DSG1: variants seen among roughly 807,000 people sequenced by gnomAD.
DSG1 encodes the protein desmoglein 1, also known as desmoglein-1.
DSG1 carries 39 observed loss-of-function variants against 97.5 expected under a neutral mutation model. That is an observed-to-expected ratio of 0.40 (90% CI 0.31 to 0.52). The LOEUF (loss-of-function observed/expected upper bound fraction) is 0.52, where lower values mean the gene tolerates loss of function less well. Among genes scored for constraint, DSG1 ranks in the 20% least tolerant of loss-of-function variants. DSG1 has a pLI of 0.53. For synonymous variants in DSG1, 475 were observed against 443.4 expected (o/e 1.07, Z -0.90); for missense variants, 1,311 against 1,295.4 (o/e 1.01, Z -0.18).
chr18:31,337,239 T>G (rs926667087), intron 9 of DSG1, among the ~76,000 whole-genome samples: 2 of 151,368 alleles, frequency 1.3e-5, no homozygotes, highest in African/African-American at 2.4e-5. Context: ...TGTTTGGGGG[T>G]TTTTTGTTTG....
intron 8 of DSG1, among the ~76,000 whole-genome samples, chr18:31,335,955 T>G (rs2071749198): frequency 6.6e-6 from 1 of 151,746 alleles, no homozygotes; most frequent in Non-Finnish European, 1.5e-5. Context: ...TGATTGAAAC[T>G]CTAGTATATT....
intron 14 of DSG1, among the ~76,000 whole-genome samples, chr18:31,350,478 C>T (rs1206201137): frequency 1.5e-4 from 23 of 149,448 alleles, no homozygotes; most frequent in African/African-American, 5.7e-4. Context: ...TGATGCTGGC[C>T]TCATAAAATG....
chr18:31,339,961 A>G lies in DSG1; in HGVS notation c.1623A>G (p.Ser541=). The stretch of plus-strand genomic sequence containing the variant: ...GAAACGGAGCCAAAGATTTGTTATC[A>G]GACAATGTACATTTTGGTCCTGCTG... ...EPGNGAKDLL[S]DNVHFGPAGI... Residue 541 remains serine, a synonymous_variant, in exon 11 of 15, where the codon TCA becomes TCG. Transcript: ENST00000257192. 2 of 1,614,120 alleles carry G rather than the reference A, an allele frequency of 1.2e-6. No individual in the cohort carries two copies. Among genetic ancestry groups the G allele is most frequent in the Non-Finnish European group, 1.7e-6 (2 of 1,179,988 alleles).
At chr18:31,353,522 T>C (rs1288124008) in intron 14 of DSG1, among the ~76,000 whole-genome samples, 1 of 152,228 alleles carries the variant, frequency 6.6e-6, no homozygotes, top group Non-Finnish European at 1.5e-5. Context: ...CTGTCTGCTT[T>C]GTTTACCTAA....
intron 4 of DSG1, among the ~76,000 whole-genome samples, chr18:31,329,323 C>T (rs1598700191): frequency 6.6e-6 from 1 of 152,014 alleles, no homozygotes; most frequent in Admixed American, 6.6e-5. Flanking sequence ...AAAACCCCAC[C>T]AGTCCGTATC....
rs937737011 is a variant in DSG1 at position 31,357,253 on chromosome 18, T to C, written c.*1907T>C. 1.3e-5 allele frequency among the ~76,000 whole-genome samples: 2 copies of C among 152,066 alleles called. No homozygotes were observed. The highest frequency in any genetic ancestry group is 2.9e-5 in the Non-Finnish European group (2 of 67,934). ...CTCTGTAGAATATGTAAAATTTTGA[T>C]AGTCTGTAGTATGCTAAATGCAGAA... On this transcript the variant is annotated 3_prime_UTR_variant, in exon 15 of 15. Coordinates refer to ENST00000257192, the MANE Select transcript of DSG1 (RefSeq NM_001942.4).
At chr18:31,344,528 C>G (rs1174659425) in intron 13 of DSG1, among the ~76,000 whole-genome samples, 3 of 152,100 alleles carry the variant, frequency 2.0e-5, no homozygotes, top group Non-Finnish European at 2.9e-5. Flanking sequence ...CAAATATTAC[C>G]TAAAAAATAT....
In DSG1 at chr18:31,354,804, G is replaced by C. The variant is rs139922779; in HGVS notation, c.2608G>C (p.Gly870Arg). ...SNVVVTERVV[G>R]PISGADLHGM... ...CGTGGTAGTGACAGAGAGAGTGGTC[G>C]GCCCAATCTCTGGCGCTGATTTGCA... The change falls in exon 15 of 15, where the codon GGC (glycine) becomes CGC (arginine). Residue 870 changes from glycine (G) to arginine (R), a missense_variant. Gly to Arg is a moderately radical substitution (Grantham distance 125, BLOSUM62 -2). Transcript: ENST00000257192. 2 of 1,614,076 alleles carry C rather than the reference G, an allele frequency of 1.2e-6. No individual in the cohort carries two copies. Among genetic ancestry groups the C allele is most frequent in the South Asian group, 1.1e-5 (1 of 91,068 alleles).
chr18:31,346,063 A>G lies in DSG1; in HGVS notation c.1965A>G (p.Glu655=). 1 of 1,613,982 alleles carries G rather than the reference A, an allele frequency of 6.2e-7. No individual in the cohort carries two copies. Residue 655 remains glutamate, a synonymous_variant, in exon 14 of 15, where the codon GAA becomes GAG. Coordinates refer to ENST00000257192, the MANE Select transcript of DSG1 (RefSeq NM_001942.4). The part of the protein sequence containing the change: ...LGGGERMTGF[E]LTEGVKTSGM... ...GAGGAGAGAGAATGACAGGATTTGA[A>G]CTAACAGAGGGAGTTAAAACTTCAG...
intron 13 of DSG1, among the ~76,000 whole-genome samples, chr18:31,344,317 C>T (rs770337402): frequency 1.3e-5 from 2 of 152,120 alleles, no homozygotes; most frequent in Non-Finnish European, 2.9e-5. Context: ...GAGCAAATTT[C>T]ATTAACATAC....
chr18:31,357,738 C>G lies in DSG1; in HGVS notation c.*2392C>G, dbSNP rs532958347. 2.0e-5 allele frequency among the ~76,000 whole-genome samples: 3 copies of G among 152,024 alleles called. No homozygotes were observed. The East Asian group carries it at 5.8e-4, about 29-fold the overall frequency. Reference sequence around the variant, plus strand: ...TTGAGTCATTGAGTCATCTATCTTTCTAGGAAGATACTTTCTAACCAAACT... The same window carrying G: ...TTGAGTCATTGAGTCATCTATCTTTGTAGGAAGATACTTTCTAACCAAACT... On this transcript the variant is annotated 3_prime_UTR_variant, in exon 15 of 15. Coordinates refer to ENST00000257192, the MANE Select transcript of DSG1 (RefSeq NM_001942.4).
chr18:31,336,713 TA>T, intron 9 of DSG1, 100 bp downstream of exon 9: 9 of 1,258,394 alleles, frequency 7.2e-6, no homozygotes, highest in Non-Finnish European at 7.8e-6. Context: ...TACTTTTCAT[TA>T]TTTTTGAAAC....
intron 5 of DSG1, 76 bp downstream of exon 5, chr18:31,330,112 A>C (rs2071711190): frequency 2.0e-6 from 3 of 1,525,502 alleles, no homozygotes; most frequent in Non-Finnish European, 2.7e-6. Context: ...GTCAAAGTAC[A>C]CATCATGAAT....
intron 7 of DSG1, 139 bp from the exon 8 acceptor site, chr18:31,333,878 G>C: frequency 8.7e-7 from 1 of 1,153,666 alleles, no homozygotes; most frequent in South Asian, 1.3e-5. Context: ...AGAATAAATG[G>C]AGTTAAGCAA....
Position 31,355,630 on chromosome 18 carries a change from G to T in DSG1, c.*284G>T. The T allele has an allele frequency of 2.3e-6, 1 of 440,322 alleles. No homozygotes were observed. The highest frequency in any genetic ancestry group is 2.8e-5 in the South Asian group (1 of 35,466). The allele number at this position is 440,322 out of a possible 1,614,324, so 27.3% of individuals were successfully genotyped here. On this transcript the variant is annotated 3_prime_UTR_variant, in exon 15 of 15. Transcript: ENST00000257192. ...GTAGTCCATCTCCAGCATGTAACTG[G>T]CCTTACGATGGCAATTGGCATCATT...
chr18:31,326,978 C>T lies in DSG1; in HGVS notation c.189C>T (p.Asp63=), dbSNP rs2071689599. The T allele has an allele frequency of 6.2e-7, 1 of 1,613,836 alleles. No individual in the cohort carries two copies. Residue 63 remains aspartate, a synonymous_variant, in exon 3 of 15, where the codon GAC becomes GAT. Transcript: ENST00000257192. The stretch of plus-strand genomic sequence containing the variant: ...CAGCAGCCTGTCGTGAAGGTGAAGA[C>T]AACTCAAAGAGGAACCCAATCGCCA... ...KFAAACREGE[D]NSKRNPIAKI...
Position 31,354,855 on chromosome 18 carries a change from C to A in DSG1, c.2659C>A (p.Arg887=). 1 of 1,614,122 alleles carries A rather than the reference C, an allele frequency of 6.2e-7. No homozygotes were observed. Among genetic ancestry groups the A allele is most frequent in the Admixed American group, 1.7e-5 (1 of 60,016 alleles). The change falls in exon 15 of 15, where the codon CGA becomes AGA. Residue 887 remains arginine (R), a synonymous_variant. Coordinates refer to ENST00000257192, the MANE Select transcript of DSG1 (RefSeq NM_001942.4). The stretch of plus-strand genomic sequence containing the variant: ...TGGAATGTTAGAGATGCCTGACTTG[C>A]GAGATGGGTCGAATGTTATAGTGAC... ...LHGMLEMPDL[R]DGSNVIVTER... is the part of the protein sequence containing the mutation.
intron 11 of DSG1, 105 bp from the exon 12 acceptor site, chr18:31,343,345 C>A: frequency 1.3e-6 from 2 of 1,513,256 alleles, no homozygotes; most frequent in South Asian, 1.1e-5. Flanking sequence ...TTAGAACCAA[C>A]CAGAATTATA....
At chr18:31,328,370 A>G (rs763738346) in intron 4 of DSG1, 26 bp downstream of exon 4, 39 of 1,600,358 alleles carry the variant, frequency 2.4e-5, no homozygotes, top group Admixed American at 3.3e-5. Context: ...GTCAATATAT[A>G]TGTTCATGCT....
Sources: allele counts gnomAD v4.1 joint callset (sites outside exome capture counted in the v4.1 genomes callset), GRCh38; gene constraint gnomAD v4.1.1; transcripts MANE v1.5; gene names NCBI Gene and HGNC (gene_info 2026-07-23, HGNC 2026-07-21).